The following HULC variants were observed in gnomAD, a reference collection of about 807,000 sequenced individuals.
HULC encodes hepatocellular carcinoma associated transcript 1 (non-protein coding).
chr6:8,652,926 A>G lies in HULC; in HGVS notation n.313+105712A>G, dbSNP rs1767321684. 1.3e-5 allele frequency: 2 copies of G among 152,192 alleles called. No individual in the cohort carries two copies. The highest frequency in any genetic ancestry group is 2.9e-5 in the Non-Finnish European group (2 of 68,082). The allele number at this position is 152,192 out of a possible 1,614,324, so 9.4% of individuals were successfully genotyped here. A position where few individuals can be genotyped will look rare whatever the true frequency, so the allele number is the denominator to read the frequency against. On this transcript the variant is annotated intron_variant and non_coding_transcript_variant, in intron 3 of 8. Transcript: ENST00000645747. The surrounding 1 kb of genome is among the most constrained non-coding windows in gnomAD (Gnocchi z 5.0). ...CTGCTACTTCACTTTTACCTTTCAA[A>G]TCTTGTGCAAATTCACTTATGCTCC...
Position 8,653,306 on chromosome 6 carries a change from A to C in HULC, n.313+106092A>C, listed in dbSNP as rs1183258101. ...TTTGAGTAAAAGAGAGAGTTATATA[A>C]AATTGATGCTTTTCTCTCTTTTTTT... is the stretch of plus-strand genomic sequence containing the variant. On this transcript the variant is annotated intron_variant and non_coding_transcript_variant, in intron 3 of 8. Coordinates refer to ENST00000645747, the Ensembl canonical transcript of HULC. This position sits in a 1 kb window ranked among gnomAD's most constrained non-coding sequence, Gnocchi z 4.3. Among the ~76,000 whole-genome samples the C allele has an allele frequency of 6.6e-6, 1 of 152,170 alleles. No individual in the cohort carries two copies. Among genetic ancestry groups the C allele is most frequent in the Non-Finnish European group, 1.5e-5 (1 of 68,036 alleles).
rs1767318580 is a variant in HULC, at chr6:8,652,762, G to T, written n.313+105548G>T. ...CCATGGGTGTGATAAGCTGAAGGAG[G>T]GGAGTGGGAAGGAGCTGAGGAGCTG... On this transcript the variant is annotated intron_variant and non_coding_transcript_variant, in intron 3 of 8. Transcript: ENST00000645747. This position sits in a 1 kb window ranked among gnomAD's most constrained non-coding sequence, Gnocchi z 5.0. 6.6e-6 allele frequency: 1 copy of T among 152,348 alleles called. No individual in the cohort carries two copies. The highest frequency in any genetic ancestry group is 2.4e-5 in the African/African-American group (1 of 41,430). 9.4% of individuals were successfully genotyped at this position (152,348 alleles called of 1,614,324 possible). A position where few individuals can be genotyped will look rare whatever the true frequency, so the allele number is the denominator to read the frequency against.
chr6:8,652,437 C>CG lies in HULC; in HGVS notation n.313+105223_313+105224insG, dbSNP rs1767312782. 6.6e-6 allele frequency: 1 copy of CG among 152,244 alleles called. No individual in the cohort carries two copies. The highest frequency in any genetic ancestry group is 1.5e-5 in the Non-Finnish European group (1 of 68,124). 9.4% of individuals were successfully genotyped at this position (152,244 alleles called of 1,614,324 possible). ...CAGTCTTTGTTATTTTTTATAGCAG[C>CG]CTAAGCGGACTGAGACACGTGAAGG... is the stretch of plus-strand genomic sequence containing the variant. On this transcript the variant is annotated intron_variant and non_coding_transcript_variant, in intron 3 of 8. Transcript: ENST00000645747. The surrounding 1 kb of genome is among the most constrained non-coding windows in gnomAD (Gnocchi z 5.0).
At position 8,652,859 on chromosome 6, in the gene HULC, C is replaced by A. The variant is rs1767320407; in HGVS notation, n.313+105645C>A. 2 of 152,234 alleles carry A rather than the reference C, an allele frequency of 1.3e-5. No homozygotes were observed. Among genetic ancestry groups the A allele is most frequent in the Non-Finnish European group, 2.9e-5 (2 of 68,084 alleles). 9.4% of individuals were successfully genotyped at this position (152,234 alleles called of 1,614,324 possible). On this transcript the variant is annotated intron_variant and non_coding_transcript_variant, in intron 3 of 8. Transcript: ENST00000645747. This position sits in a 1 kb window ranked among gnomAD's most constrained non-coding sequence, Gnocchi z 5.0. ...ACCATGTATGCTGTCTGAAGCACAG[C>A]CTGACGCCCCTGTGGACCTTTATAG... is the stretch of plus-strand genomic sequence containing the variant.
In HULC at chr6:8,653,629, AG is replaced by A. The variant is rs1374547426; in HGVS notation, n.313+106416del. ...AAACATTAAAAACAAAACAGACCAA[AG>A]CATCAAGCAAGAAGTTTCCTGGCAA... On this transcript the variant is annotated intron_variant and non_coding_transcript_variant, in intron 3 of 8. Coordinates refer to ENST00000645747, the Ensembl canonical transcript of HULC. This position sits in a 1 kb window ranked among gnomAD's most constrained non-coding sequence, Gnocchi z 4.3. 6.6e-6 allele frequency: 1 copy of A among 152,240 alleles called. No individual in the cohort carries two copies. The highest frequency in any genetic ancestry group is 2.4e-5 in the African/African-American group (1 of 41,468). 9.4% of individuals were successfully genotyped at this position (152,240 alleles called of 1,614,324 possible). A position where few individuals can be genotyped will look rare whatever the true frequency, so the allele number is the denominator to read the frequency against.
Position 8,653,737 on chromosome 6 carries a change from ATGT to A in HULC, n.313+106528_313+106530del, listed in dbSNP as rs1278895854. On this transcript the variant is annotated intron_variant and non_coding_transcript_variant, in intron 3 of 8. Transcript: ENST00000645747. This position sits in a 1 kb window ranked among gnomAD's most constrained non-coding sequence, Gnocchi z 4.3. ...CAAATTTGTACTTTCTCCCTGAATT[ATGT>A]TGTTATCAAAGAAAAAAATTGGGAA... 4 of 152,194 alleles carry A rather than the reference ATGT, an allele frequency of 2.6e-5. No individual in the cohort carries two copies. The highest frequency in any genetic ancestry group is 2.6e-4 in the Admixed American group (4 of 15,288). 9.4% of individuals were successfully genotyped at this position (152,194 alleles called of 1,614,324 possible).
rs1266480634 is a variant in HULC, at chr6:8,652,704, G to A, written n.313+105490G>A. Reference sequence around the variant, plus strand: ...TGGAATCGATTTGCTGGAGAAGCTGGAGCTTTTCCTCATGGAGCTAAATCT... The same window carrying A: ...TGGAATCGATTTGCTGGAGAAGCTGAAGCTTTTCCTCATGGAGCTAAATCT... On this transcript the variant is annotated intron_variant and non_coding_transcript_variant, in intron 3 of 8. Transcript: ENST00000645747. The surrounding 1 kb of genome is among the most constrained non-coding windows in gnomAD (Gnocchi z 5.0). 1.3e-5 allele frequency: 2 copies of A among 152,294 alleles called. No homozygotes were observed. The highest frequency in any genetic ancestry group is 1.9e-4 in the East Asian group (1 of 5,194). 9.4% of individuals were successfully genotyped at this position (152,294 alleles called of 1,614,324 possible).
In HULC at chr6:8,653,318, TTCTC is replaced by T. The variant is rs1419150034; in HGVS notation, n.313+106108_313+106111del. ...AGAGAGTTATATAAAATTGATGCTT[TTCTC>T]TCTTTTTTTTAATCATTGAAAAGTG... On this transcript the variant is annotated intron_variant and non_coding_transcript_variant, in intron 3 of 8. Transcript: ENST00000645747. This position sits in a 1 kb window ranked among gnomAD's most constrained non-coding sequence, Gnocchi z 4.3. Among the ~76,000 whole-genome samples, 2 of 152,190 alleles carry T rather than the reference TTCTC, an allele frequency of 1.3e-5. No homozygotes were observed. The highest frequency in any genetic ancestry group is 2.9e-5 in the Non-Finnish European group (2 of 68,020).
rs1320548369 is a variant in HULC, at chr6:8,652,477, T to G, written n.313+105263T>G. ...ACACGTGAAGGTGGACTGAGACACA[T>G]GAAGCAGTCAGTGTGGGGCTGTTCC... is the stretch of plus-strand genomic sequence containing the variant. On this transcript the variant is annotated intron_variant and non_coding_transcript_variant, in intron 3 of 8. Coordinates refer to ENST00000645747, the Ensembl canonical transcript of HULC. The surrounding 1 kb of genome is among the most constrained non-coding windows in gnomAD (Gnocchi z 5.0). 6.6e-6 allele frequency: 1 copy of G among 152,256 alleles called. No homozygotes were observed. Among genetic ancestry groups the G allele is most frequent in the Non-Finnish European group, 1.5e-5 (1 of 68,088 alleles). 9.4% of individuals were successfully genotyped at this position (152,256 alleles called of 1,614,324 possible).
chr6:8,652,371 A>T lies in HULC; in HGVS notation n.313+105157A>T, dbSNP rs569844798. The T allele has an allele frequency of 6.6e-6, 1 of 152,262 alleles. No homozygotes were observed. The highest frequency in any genetic ancestry group is 1.9e-4 in the East Asian group (1 of 5,172). 9.4% of individuals were successfully genotyped at this position (152,262 alleles called of 1,614,324 possible). A position where few individuals can be genotyped will look rare whatever the true frequency, so the allele number is the denominator to read the frequency against. The stretch of plus-strand genomic sequence containing the variant: ...AGGAACTCTGATCGTGGACATTTCA[A>T]CCTCCAGAACTGTGATCCAGTAAGT... On this transcript the variant is annotated intron_variant and non_coding_transcript_variant, in intron 3 of 8. Transcript: ENST00000645747. The surrounding 1 kb of genome is among the most constrained non-coding windows in gnomAD (Gnocchi z 5.0).
rs1248035811 is a variant in HULC, at chr6:8,653,152, C to T, written n.313+105938C>T. On this transcript the variant is annotated intron_variant and non_coding_transcript_variant, in intron 3 of 8. Coordinates refer to ENST00000645747, the Ensembl canonical transcript of HULC. This position sits in a 1 kb window ranked among gnomAD's most constrained non-coding sequence, Gnocchi z 4.3. ...GAACATCACAGTGAGTGCAACCTCC[C>T]ACAGAGCTAACCTGTGTAATTGAAA... is the stretch of plus-strand genomic sequence containing the variant. 2 of 152,136 alleles carry T rather than the reference C, an allele frequency of 1.3e-5. No homozygotes were observed. Among genetic ancestry groups the T allele is most frequent in the Admixed American group, 1.3e-4 (2 of 15,274 alleles). 9.4% of individuals were successfully genotyped at this position (152,136 alleles called of 1,614,324 possible). A position where few individuals can be genotyped will look rare whatever the true frequency, so the allele number is the denominator to read the frequency against.
In HULC at chr6:8,653,847, T is replaced by C. The variant is rs1767337913; in HGVS notation, n.313+106633T>C. The C allele has an allele frequency of 6.6e-6, 1 of 152,156 alleles. No homozygotes were observed. The highest frequency in any genetic ancestry group is 1.5e-5 in the Non-Finnish European group (1 of 68,024). 9.4% of individuals were successfully genotyped at this position (152,156 alleles called of 1,614,324 possible). ...GAAATAAAATGATGTCCATTCTTAATTCATCCTCACAACTGGGCCACTAGT... is the reference window on the plus strand; with the variant it reads ...GAAATAAAATGATGTCCATTCTTAACTCATCCTCACAACTGGGCCACTAGT... On this transcript the variant is annotated intron_variant and non_coding_transcript_variant, in intron 3 of 8. Transcript: ENST00000645747. The surrounding 1 kb of genome is among the most constrained non-coding windows in gnomAD (Gnocchi z 4.3).
Position 8,653,647 on chromosome 6 carries a change from T to G in HULC, n.313+106433T>G, listed in dbSNP as rs888527937. 1 of 152,212 alleles carries G rather than the reference T, an allele frequency of 6.6e-6. No homozygotes were observed. The highest frequency in any genetic ancestry group is 1.5e-5 in the Non-Finnish European group (1 of 68,040). 9.4% of individuals were successfully genotyped at this position (152,212 alleles called of 1,614,324 possible). ...AGACCAAAGCATCAAGCAAGAAGTT[T>G]CCTGGCAATAAACTAAGCACAGCAT... On this transcript the variant is annotated intron_variant and non_coding_transcript_variant, in intron 3 of 8. Coordinates refer to ENST00000645747, the Ensembl canonical transcript of HULC. This position sits in a 1 kb window ranked among gnomAD's most constrained non-coding sequence, Gnocchi z 4.3.
chr6:8,653,507 T>A lies in HULC; in HGVS notation n.313+106293T>A, dbSNP rs961170256. On this transcript the variant is annotated intron_variant and non_coding_transcript_variant, in intron 3 of 8. Coordinates refer to ENST00000645747, the Ensembl canonical transcript of HULC. The surrounding 1 kb of genome is among the most constrained non-coding windows in gnomAD (Gnocchi z 4.3). The stretch of plus-strand genomic sequence containing the variant: ...GAGTCAAGTGATTAATTTTTTATGA[T>A]GATAGATGTCTTACAACTCTTTCTT... The A allele has an allele frequency of 6.6e-6, 1 of 152,162 alleles. No individual in the cohort carries two copies. The highest frequency in any genetic ancestry group is 2.4e-5 in the African/African-American group (1 of 41,438). 9.4% of individuals were successfully genotyped at this position (152,162 alleles called of 1,614,324 possible). A position where few individuals can be genotyped will look rare whatever the true frequency, so the allele number is the denominator to read the frequency against.
At position 8,653,434 on chromosome 6, in the gene HULC, G is replaced by A. The variant is rs925677715; in HGVS notation, n.313+106220G>A. On this transcript the variant is annotated intron_variant and non_coding_transcript_variant, in intron 3 of 8. Transcript: ENST00000645747. This position sits in a 1 kb window ranked among gnomAD's most constrained non-coding sequence, Gnocchi z 4.3. Reference sequence around the variant, plus strand: ...CTTACATACAGATGTAGAACAATATGGTCTTGGGAAGCTGAAAATGCTAAC... The same window carrying A: ...CTTACATACAGATGTAGAACAATATAGTCTTGGGAAGCTGAAAATGCTAAC... 1.3e-5 allele frequency: 2 copies of A among 151,978 alleles called. No homozygotes were observed. Among genetic ancestry groups the A allele is most frequent in the Non-Finnish European group, 2.9e-5 (2 of 68,010 alleles). The allele number at this position is 151,978 out of a possible 1,614,324, so 9.4% of individuals were successfully genotyped here. A position where few individuals can be genotyped will look rare whatever the true frequency, so the allele number is the denominator to read the frequency against.
rs2113784928 is a variant in HULC, at chr6:8,652,848, C to G, written n.313+105634C>G. 6.6e-6 allele frequency: 1 copy of G among 152,372 alleles called. No individual in the cohort carries two copies. The allele number at this position is 152,372 out of a possible 1,614,324, so 9.4% of individuals were successfully genotyped here. On this transcript the variant is annotated intron_variant and non_coding_transcript_variant, in intron 3 of 8. Coordinates refer to ENST00000645747, the Ensembl canonical transcript of HULC. This position sits in a 1 kb window ranked among gnomAD's most constrained non-coding sequence, Gnocchi z 5.0. ...GCACTGGGACAACCATGTATGCTGT[C>G]TGAAGCACAGCCTGACGCCCCTGTG...
In HULC at chr6:8,653,135, C is replaced by A. The variant is rs1050277601; in HGVS notation, n.313+105921C>A. 6.6e-5 allele frequency: 10 copies of A among 152,270 alleles called. No homozygotes were observed. The highest frequency in any genetic ancestry group is 5.9e-4 in the Admixed American group (9 of 15,294). 9.4% of individuals were successfully genotyped at this position (152,270 alleles called of 1,614,324 possible). On this transcript the variant is annotated intron_variant and non_coding_transcript_variant, in intron 3 of 8. Coordinates refer to ENST00000645747, the Ensembl canonical transcript of HULC. This position sits in a 1 kb window ranked among gnomAD's most constrained non-coding sequence, Gnocchi z 4.3. Reference sequence around the variant, plus strand: ...ACCATGTAGTCTCCTTAGAACATCACAGTGAGTGCAACCTCCCACAGAGCT... The same window carrying A: ...ACCATGTAGTCTCCTTAGAACATCAAAGTGAGTGCAACCTCCCACAGAGCT...
rs565528358 is a variant in HULC, at chr6:8,653,038, A to G, written n.313+105824A>G. On this transcript the variant is annotated intron_variant and non_coding_transcript_variant, in intron 3 of 8. Transcript: ENST00000645747. This position sits in a 1 kb window ranked among gnomAD's most constrained non-coding sequence, Gnocchi z 4.3. ...AATTGACCTATTGCAAATCCACAAC[A>G]CAGCACCAGAATATTACCTAGGATT... 6.6e-6 allele frequency: 1 copy of G among 152,332 alleles called. No homozygotes were observed. Among genetic ancestry groups the G allele is most frequent in the African/African-American group, 2.4e-5 (1 of 41,584 alleles). 9.4% of individuals were successfully genotyped at this position (152,332 alleles called of 1,614,324 possible). A position where few individuals can be genotyped will look rare whatever the true frequency, so the allele number is the denominator to read the frequency against.
rs773729934 is a variant in HULC, at chr6:8,653,399, C to T, written n.313+106185C>T. 1 of 151,884 alleles carries T rather than the reference C, an allele frequency of 6.6e-6. No homozygotes were observed. The highest frequency in any genetic ancestry group is 1.5e-5 in the Non-Finnish European group (1 of 67,980). 9.4% of individuals were successfully genotyped at this position (151,884 alleles called of 1,614,324 possible). On this transcript the variant is annotated intron_variant and non_coding_transcript_variant, in intron 3 of 8. Coordinates refer to ENST00000645747, the Ensembl canonical transcript of HULC. This position sits in a 1 kb window ranked among gnomAD's most constrained non-coding sequence, Gnocchi z 4.3. ...CTGGACAGCTTACAAATTCTAGATA[C>T]ATCAGAGCTCTTACATACAGATGTA...
Sources: gnomAD v4.1 joint callset for allele counts (sites outside exome capture counted in the v4.1 genomes callset) on GRCh38, gnomAD v4.1.1 for gene constraint, Gnocchi (gnomAD v3.1) non-coding constraint, MANE v1.5 for transcripts, NCBI Gene and HGNC (gene_info 2026-07-23, HGNC 2026-07-21) for gene names.